HNRNPK: variants seen among roughly 807,000 people sequenced by gnomAD.
The protein encoded by HNRNPK is dC-stretch binding protein.
Under a neutral mutation model 67.0 loss-of-function variants are expected in HNRNPK, and 7 were observed. The ratio of observed to expected loss-of-function variants is 0.10; its 90% CI spans 0.06 to 0.20. The LOEUF (loss-of-function observed/expected upper bound fraction) is 0.20, where lower values mean the gene tolerates loss of function less well. Among genes scored for constraint, HNRNPK ranks in the 10% least tolerant of loss-of-function variants. The probability of loss-of-function intolerance (pLI) is 1.00; values close to 1 mark genes in which losing one functional copy is unlikely to be tolerated. For synonymous variants in HNRNPK, 213 were observed against 193.7 expected (o/e 1.10, Z -0.83); for missense variants, 264 against 606.5 (o/e 0.44, Z 5.93).
In HNRNPK at chr9:83,977,065, A is replaced by G. The variant is rs1957099991; in HGVS notation, c.157-14T>C. The G allele has an allele frequency of 6.2e-7, 1 of 1,601,712 alleles. No homozygotes were observed. Among genetic ancestry groups the G allele is most frequent in the Non-Finnish European group, 8.6e-7 (1 of 1,169,418 alleles). On this transcript the variant is annotated splice_polypyrimidine_tract_variant and intron_variant, in intron 4 of 16. Coordinates refer to ENST00000376263, the MANE Select transcript of HNRNPK (RefSeq NM_031263.4). ...TGCCCCAGCATTCTGGAGAAGATAC[A>G]AAGACAAAAAATTATTTTGCCTTTC...
chr9:83,969,149 C>T lies in HNRNPK; in HGVS notation c.*258G>A. The T allele has an allele frequency of 1.9e-6, 1 of 519,574 alleles. No individual in the cohort carries two copies. Among genetic ancestry groups the T allele is most frequent in the Non-Finnish European group, 3.4e-6 (1 of 291,794 alleles). The allele number at this position is 519,574 out of a possible 1,614,324, so 32.2% of individuals were successfully genotyped here. A position where few individuals can be genotyped will look rare whatever the true frequency, so the allele number is the denominator to read the frequency against. On this transcript the variant is annotated 3_prime_UTR_variant, in exon 17 of 17. Transcript: ENST00000376263. Reference sequence around the variant, plus strand: ...AAATCCACTCACTCTGCTGCTGTTTCAAAATTTCAATGTTAGTTTTTGCAC... The same window carrying T: ...AAATCCACTCACTCTGCTGCTGTTTTAAAATTTCAATGTTAGTTTTTGCAC...
Position 83,970,347 on chromosome 9 carries a change from A to C in HNRNPK, c.1192-16T>G, listed in dbSNP as rs780502296. ...ATCCAGCCAACTGAAAAGATTTTTT[A>C]AAAGTATGTGTTTACGATATACTTT... is the stretch of plus-strand genomic sequence containing the variant. On this transcript the variant is annotated splice_polypyrimidine_tract_variant and intron_variant, in intron 15 of 16. Coordinates refer to ENST00000376263, the MANE Select transcript of HNRNPK (RefSeq NM_031263.4). 6.2e-7 allele frequency: 1 copy of C among 1,601,682 alleles called. No homozygotes were observed. The highest frequency in any genetic ancestry group is 2.2e-5 in the East Asian group (1 of 44,760).
At chr9:83,971,087 G>C (rs1405004041) in intron 13 of HNRNPK, 175 bp from the exon 14 acceptor site, 13 of 734,100 alleles carry the variant, frequency 1.8e-5, no homozygotes, top group Non-Finnish European at 3.0e-5. Context: ...GATTATGAGT[G>C]AGCACCACTG....
At chr9:83,979,003 T>C (rs954941173) in intron 1 of HNRNPK, among the ~76,000 whole-genome samples, 31 of 152,200 alleles carry the variant, frequency 2.0e-4, no homozygotes, top group Non-Finnish European at 3.1e-4. Context: ...AGTCTATTAT[T>C]AATCAGCGAA....
intron 12 of HNRNPK, 81 bp downstream of exon 12, chr9:83,971,591 C>T: frequency 8.3e-7 from 1 of 1,205,308 alleles, no homozygotes; most frequent in Non-Finnish European, 1.2e-6. Flanking sequence ...TTTTTAATCA[C>T]TATAACCTTC....
intron 4 of HNRNPK, 147 bp downstream of exon 4, chr9:83,977,542 C>A: frequency 3.5e-6 from 2 of 570,242 alleles, no homozygotes; most frequent in South Asian, 4.6e-5. Context: ...ATAAGAAAAC[C>A]ACCAGAGCCT....
chr9:83,975,370 A>T, intron 6 of HNRNPK, 92 bp downstream of exon 6: 1 of 1,117,852 alleles, frequency 8.9e-7, no homozygotes, highest in Non-Finnish European at 1.4e-6. Flanking sequence ...CACCGTCTAA[A>T]GGGGATACTA....
At chr9:83,978,113 A>G in intron 3 of HNRNPK, 82 bp downstream of exon 3, 1 of 873,124 alleles carries the variant, frequency 1.1e-6, no homozygotes, top group Non-Finnish European at 1.9e-6. Context: ...TTCACCACAC[A>G]CTCCTAAGGC....
chr9:83,975,570 A>T, intron 5 of HNRNPK, 65 bp from the exon 6 acceptor site: 1 of 1,350,956 alleles, frequency 7.4e-7, no homozygotes, highest in African/African-American at 1.4e-5. Context: ...AGAAGTTGTC[A>T]AGTATGGTAC....
At chr9:83,970,507 G>A (rs1956779159) in intron 15 of HNRNPK, 176 bp from the exon 16 acceptor site, 1 of 646,872 alleles carries the variant, frequency 1.5e-6, no homozygotes, top group South Asian at 2.1e-5. Context: ...ACTTACTAAT[G>A]TTTCCCTTAG....
chr9:83,973,400 CTG>C lies in HNRNPK; in HGVS notation c.403-3_403-2del. ...AGTCACTTCCTTTATAGTGTTGGTA[CTG>C]TGGAGGGAGAATTATAAAATTTTAG... On this transcript the variant is annotated splice_acceptor_variant and splice_polypyrimidine_tract_variant and intron_variant, in intron 8 of 16. Transcript: ENST00000376263. LOFTEE classifies it high-confidence loss of function. The C allele has an allele frequency of 1.3e-6, 2 of 1,533,904 alleles. No individual in the cohort carries two copies. The highest frequency in any genetic ancestry group is 1.8e-6 in the Non-Finnish European group (2 of 1,107,460).
chr9:83,978,299 C>G lies in HNRNPK; in HGVS notation c.-27-20G>C. 6.5e-7 allele frequency: 1 copy of G among 1,547,222 alleles called. No homozygotes were observed. Among genetic ancestry groups the G allele is most frequent in the African/African-American group, 1.4e-5 (1 of 69,798 alleles). On this transcript the variant is annotated intron_variant, in intron 2 of 16. Coordinates refer to ENST00000376263, the MANE Select transcript of HNRNPK (RefSeq NM_031263.4). ...ACCAATCTGTGGAAAAATAAAGCAG[C>G]TAGTACATTTGGCTTATTGGAAAGC... is the stretch of plus-strand genomic sequence containing the variant.
At chr9:83,971,222 A>G in intron 13 of HNRNPK, 51 bp downstream of exon 13, 1 of 1,178,170 alleles carries the variant, frequency 8.5e-7, no homozygotes, top group Non-Finnish European at 1.3e-6. Flanking sequence ...GAGAGCAGGT[A>G]AGCATCTTAA....
chr9:83,972,817 A>G, intron 10 of HNRNPK, 27 bp downstream of exon 10: 1 of 1,544,172 alleles, frequency 6.5e-7, no homozygotes, highest in Non-Finnish European at 8.8e-7. Context: ...ATAAAATCAA[A>G]TGTAAACAAA....
In HNRNPK at chr9:83,970,434, T is replaced by G. The variant is rs146881589; in HGVS notation, c.1192-103A>C. The G allele has an allele frequency of 4.3e-4, 391 of 910,830 alleles. 3 individuals carry two copies. In the East Asian group the frequency reaches 7.6e-3, roughly 18 times the overall value. 56.4% of individuals were successfully genotyped at this position (910,830 alleles called of 1,614,324 possible). ...TTATTAATTTTATTCATTCAGAATC[T>G]TAACTGATGATCTAACGCTCCCTAA... On this transcript the variant is annotated intron_variant, in intron 15 of 16. Coordinates refer to ENST00000376263, the MANE Select transcript of HNRNPK (RefSeq NM_031263.4).
rs528754435 is a variant in HNRNPK at position 83,972,118 on chromosome 9, A to G, written c.717T>C (p.Phe239=). The G allele has an allele frequency of 1.5e-5, 24 of 1,613,908 alleles. No homozygotes were observed. Among genetic ancestry groups the G allele is most frequent in the Non-Finnish European group, 1.9e-5 (22 of 1,179,814 alleles). Residue 239 remains phenylalanine, a synonymous_variant, in exon 11 of 17, where the codon TTT becomes TTC. Coordinates refer to ENST00000376263, the MANE Select transcript of HNRNPK (RefSeq NM_031263.4). ...FYDETYDYGG[F]TMMFDDRRGR... is the part of the protein sequence containing the mutation. ...CGCGACGGTCATCAAACATCATTGT[A>G]AAACCACCATAATCATAGGTTTCAT...
rs1956940533 is a variant in HNRNPK at position 83,973,331 on chromosome 9, T to C, written c.471A>G (p.Gly157=). Residue 157 remains glycine (G), a synonymous_variant, in exon 9 of 17, where the codon GGA becomes GGG. Coordinates refer to ENST00000376263, the MANE Select transcript of HNRNPK (RefSeq NM_031263.4). The part of the protein sequence containing the change: ...LRLLIHQSLA[G]GIIGVKGAKI... ...TAGCACCTTTGACCCCAATAATTCC[T>C]CCTGCTAGACTCTGATGAATCAACA... 2 of 1,610,338 alleles carry C rather than the reference T, an allele frequency of 1.2e-6. No homozygotes were observed. Among genetic ancestry groups the C allele is most frequent in the Admixed American group, 1.7e-5 (1 of 59,990 alleles).
chr9:83,970,662 A>T, intron 15 of HNRNPK, 75 bp downstream of exon 15: 1 of 1,031,628 alleles, frequency 9.7e-7, no homozygotes, highest in East Asian at 2.4e-5. Context: ...AAACCTTCTG[A>T]ATTAAAAAAT....
At chr9:83,974,150 T>C (rs1956970078) in intron 7 of HNRNPK, among the ~76,000 whole-genome samples, 177 bp from the exon 8 acceptor site, 1 of 152,174 alleles carries the variant, frequency 6.6e-6, no homozygotes, top group Admixed American at 6.5e-5. Flanking sequence ...TATATACACC[T>C]AGTGAATTAT....
Sources: allele counts gnomAD v4.1 joint callset (sites outside exome capture counted in the v4.1 genomes callset), GRCh38; gene constraint gnomAD v4.1.1; transcripts MANE v1.5; gene names NCBI Gene and HGNC (gene_info 2026-07-23, HGNC 2026-07-21).